The following IMMP2L variants were observed in gnomAD, a reference collection of about 807,000 sequenced individuals.
IMMP2L encodes inner mitochondrial membrane peptidase subunit 2.
IMMP2L carries 18 observed loss-of-function variants against 19.3 expected under a neutral mutation model. The ratio of observed to expected loss-of-function variants is 0.93; its 90% CI spans 0.64 to 1.38. The LOEUF (loss-of-function observed/expected upper bound fraction) is 1.38, where lower values mean the gene tolerates loss of function less well. IMMP2L is among the 40% of genes most tolerant of loss of function. IMMP2L has a pLI of 0.00. For synonymous variants in IMMP2L, 76 were observed against 73.0 expected (o/e 1.04, Z -0.21); for missense variants, 233 against 218.2 (o/e 1.07, Z -0.43).
At chr7:110,897,330 T>C (rs1487779102) in intron 4 of IMMP2L, among the ~76,000 whole-genome samples, 1 of 151,856 alleles carries the variant, frequency 6.6e-6, no homozygotes, top group African/African-American at 2.4e-5. Context: ...CAATTGAAAA[T>C]GGATAAAAGA....
chr7:110,890,043 G>A (rs1293140342), intron 4 of IMMP2L, among the ~76,000 whole-genome samples: 9 of 152,116 alleles, frequency 5.9e-5, no homozygotes, highest in Admixed American at 5.9e-4. Context: ...TTATAAGTCA[G>A]AATGTGTTCA....
chr7:111,071,029 A>G (rs1794906518), intron 3 of IMMP2L, among the ~76,000 whole-genome samples: 1 of 152,186 alleles, frequency 6.6e-6, no homozygotes, highest in Non-Finnish European at 1.5e-5. Flanking sequence ...TAACAAAAAG[A>G]CAGATAACCC....
At chr7:111,142,242 C>T (rs542212743) in intron 3 of IMMP2L, among the ~76,000 whole-genome samples, 36 of 151,234 alleles carry the variant, frequency 2.4e-4, no homozygotes, top group Middle Eastern at 3.4e-3. Context: ...ACAAGAATAG[C>T]TTGAACCCAG....
rs534975539 is a variant in IMMP2L at position 110,684,551 on chromosome 7, T to C, written c.409-20830A>G. 1.3e-4 allele frequency among the ~76,000 whole-genome samples: 20 copies of C among 152,088 alleles called. No individual in the cohort carries two copies. In the South Asian group the frequency reaches 4.2e-3, roughly 32 times the overall value. ...ATTGTGTGATAAATTTTGATTGATC[T>C]TGGTCAGGCAAGCAGATGAGGTTGA... On this transcript the variant is annotated intron_variant, in intron 5 of 5. Coordinates refer to ENST00000405709, the MANE Select transcript of IMMP2L (RefSeq NM_032549.4).
chr7:111,193,563 CA>C (rs1809138624), intron 3 of IMMP2L, among the ~76,000 whole-genome samples: 1 of 151,980 alleles, frequency 6.6e-6, no homozygotes, highest in Non-Finnish European at 1.5e-5. Flanking sequence ...TTATAACTCC[CA>C]AGAGTGATTA....
chr7:111,139,930 T>A (rs1054421432), intron 3 of IMMP2L, among the ~76,000 whole-genome samples: 1 of 152,148 alleles, frequency 6.6e-6, no homozygotes, highest in Non-Finnish European at 1.5e-5. Flanking sequence ...AAACTCTAAT[T>A]TTTAATTCTA....
intron 3 of IMMP2L, among the ~76,000 whole-genome samples, chr7:111,191,910 G>C (rs1328020334): frequency 1.3e-5 from 2 of 152,028 alleles, no homozygotes; most frequent in Admixed American, 1.3e-4. Context: ...GAACTATGTA[G>C]TAGACGCAGG....
At chr7:110,917,727 A>AT (rs1260993817) in intron 4 of IMMP2L, among the ~76,000 whole-genome samples, 2 of 152,204 alleles carry the variant, frequency 1.3e-5, no homozygotes, top group African/African-American at 4.8e-5. Context: ...GCTGCACTAC[A>AT]TTTTTAAAAA....
chr7:111,377,865 T>C (rs570696083), intron 3 of IMMP2L, among the ~76,000 whole-genome samples: 39 of 152,114 alleles, frequency 2.6e-4, no homozygotes, highest in African/African-American at 8.9e-4. Flanking sequence ...CATCCACATA[T>C]ATATCTTATC....
At chr7:111,122,848 A>G in intron 3 of IMMP2L, 6 of 1,613,988 alleles carry the variant, frequency 3.7e-6, no homozygotes, top group Non-Finnish European at 3.4e-6. Context: ...TGTAGATAAA[A>G]AAGTGGATTG....
At chr7:111,332,316 A>T (rs1825959888) in intron 3 of IMMP2L, among the ~76,000 whole-genome samples, 1 of 151,986 alleles carries the variant, frequency 6.6e-6, no homozygotes, top group Non-Finnish European at 1.5e-5. Context: ...AATATTTATA[A>T]TATGACAAAA....
intron 3 of IMMP2L, among the ~76,000 whole-genome samples, chr7:111,465,157 C>T (rs999610010): frequency 6.6e-6 from 1 of 152,108 alleles, no homozygotes; most frequent in Non-Finnish European, 1.5e-5. Flanking sequence ...ATCAGTAACA[C>T]CTGTCACTCC....
intron 5 of IMMP2L, among the ~76,000 whole-genome samples, chr7:110,673,099 C>T (rs1792036009): frequency 6.6e-6 from 1 of 152,248 alleles, no homozygotes; most frequent in Non-Finnish European, 1.5e-5. Flanking sequence ...CCTTCCTGGA[C>T]ATCCAGGCAT....
intron 3 of IMMP2L, among the ~76,000 whole-genome samples, chr7:111,010,656 A>T (rs975639519): frequency 1.3e-5 from 2 of 152,126 alleles, no homozygotes; most frequent in Admixed American, 6.6e-5. Context: ...GCACAGAAAG[A>T]AACTGGGGTT....
intron 3 of IMMP2L, among the ~76,000 whole-genome samples, chr7:111,455,574 T>C (rs1407509797): frequency 6.6e-4 from 98 of 148,016 alleles, no homozygotes; most frequent in African/African-American, 2.4e-3. Context: ...AGCACCATCA[T>C]TATATGATAT....
intron 3 of IMMP2L, among the ~76,000 whole-genome samples, chr7:111,295,618 T>C (rs1821547397): frequency 6.6e-6 from 1 of 151,872 alleles, no homozygotes; most frequent in Admixed American, 6.6e-5. Flanking sequence ...CGGTTATTCA[T>C]AAGAAGTCCA....
chr7:111,481,861 A>C (rs1399848423), intron 3 of IMMP2L, among the ~76,000 whole-genome samples: 1 of 152,190 alleles, frequency 6.6e-6, no homozygotes, highest in Non-Finnish European at 1.5e-5. Flanking sequence ...AATGTATGTC[A>C]CATGTGTAAT....
intron 3 of IMMP2L, among the ~76,000 whole-genome samples, chr7:111,189,182 A>G (rs1186576869): frequency 6.6e-6 from 1 of 152,138 alleles, no homozygotes; most frequent in African/African-American, 2.4e-5. Context: ...AGGGCCCTAC[A>G]GAATTCCATT....
intron 5 of IMMP2L, among the ~76,000 whole-genome samples, chr7:110,781,818 T>C (rs1799764944): frequency 6.6e-6 from 1 of 151,900 alleles, no homozygotes; most frequent in African/African-American, 2.4e-5. Flanking sequence ...CTTATTTTAA[T>C]AACAAAAAGT....
Sources: allele counts gnomAD v4.1 joint callset (sites outside exome capture counted in the v4.1 genomes callset), GRCh38; gene constraint gnomAD v4.1.1; transcripts MANE v1.5; gene names NCBI Gene and HGNC (gene_info 2026-07-23, HGNC 2026-07-21).